PGAP1: variants seen among roughly 807,000 people sequenced by gnomAD.
PGAP1 encodes the protein post-GPI attachment to proteins inositol deacylase 1, also known as GPI inositol-deacylase.
A neutral mutation model predicts 127.0 loss-of-function variants in PGAP1; 76 were observed. The observed-to-expected ratio is 0.60, with a 90% CI of 0.50 to 0.72. The LOEUF (loss-of-function observed/expected upper bound fraction) is 0.72. PGAP1 is among the 30% of genes least tolerant of loss of function. The probability of loss-of-function intolerance (pLI) is 0.00; values close to 1 mark genes in which losing one functional copy is unlikely to be tolerated. For missense variants in PGAP1, 982 were observed against 1,071.3 expected (o/e 0.92, Z 1.16); for synonymous variants, 362 against 366.5 (o/e 0.99, Z 0.14).
chr2:196,853,136 T>C (rs1559333927), intron 20 of PGAP1, among the ~76,000 whole-genome samples: 1 of 152,208 alleles, frequency 6.6e-6, no homozygotes, highest in Non-Finnish European at 1.5e-5. Flanking sequence ...ACAGCCATCC[T>C]CTACACTGTC....
chr2:196,915,984 A>T (rs1263170337), intron 3 of PGAP1, among the ~76,000 whole-genome samples: 1 of 152,112 alleles, frequency 6.6e-6, no homozygotes, highest in Non-Finnish European at 1.5e-5. Flanking sequence ...GCAATCATGG[A>T]GCTTACTTCT....
In PGAP1 at chr2:196,886,013, C is replaced by T. The variant is rs114558355; in HGVS notation, c.1174-133G>A. The stretch of plus-strand genomic sequence containing the variant: ...CTAGGAGCAAGTGAAACGTAAATAA[C>T]AGCTTATTGTTGAGAAACATATCCA... On this transcript the variant is annotated intron_variant, in intron 10 of 26. Transcript: ENST00000354764. The T allele has an allele frequency of 4.1e-3, 1,863 of 457,700 alleles. 26 individuals are homozygous for T. Among genetic ancestry groups the T allele is most frequent in the African/African-American group, 0.035 (1,712 of 49,402 alleles). 28.4% of individuals were successfully genotyped at this position (457,700 alleles called of 1,614,324 possible). A position where few individuals can be genotyped will look rare whatever the true frequency, so the allele number is the denominator to read the frequency against.
chr2:196,843,092 A>G (rs1263436288), intron 25 of PGAP1, among the ~76,000 whole-genome samples: 1 of 152,160 alleles, frequency 6.6e-6, no homozygotes, highest in Non-Finnish European at 1.5e-5. Context: ...TAAGCAGTGT[A>G]TGTTTAAAAC....
intron 12 of PGAP1, among the ~76,000 whole-genome samples, chr2:196,880,656 T>C (rs1031673603): frequency 6.6e-6 from 1 of 152,172 alleles, no homozygotes; most frequent in Non-Finnish European, 1.5e-5. Flanking sequence ...TCTAATGGCA[T>C]ATCTGCACAT....
intron 26 of PGAP1, 91 bp downstream of exon 26, chr2:196,842,630 A>G: frequency 2.0e-6 from 1 of 504,946 alleles, no homozygotes; most frequent in East Asian, 3.6e-5. Flanking sequence ...GGAATATTTA[A>G]ATTAATTAGA....
rs1226480704 is a variant in PGAP1, at chr2:196,839,104, T to C, written c.*2130A>G. 3 of 152,894 alleles carry C rather than the reference T, an allele frequency of 2.0e-5. No homozygotes were observed. The highest frequency in any genetic ancestry group is 1.3e-4 in the Admixed American group (2 of 15,282). The allele number at this position is 152,894 out of a possible 1,614,324, so 9.5% of individuals were successfully genotyped here. A position where few individuals can be genotyped will look rare whatever the true frequency, so the allele number is the denominator to read the frequency against. On this transcript the variant is annotated 3_prime_UTR_variant, in exon 27 of 27. Transcript: ENST00000354764. ...CTACTCACAAATGAGAAATTGAAGC[T>C]TGTTACATTCATGAACAGTACTAAC...
chr2:196,858,812 G>A (rs1700973478), intron 20 of PGAP1, among the ~76,000 whole-genome samples: 1 of 152,168 alleles, frequency 6.6e-6, no homozygotes, highest in Non-Finnish European at 1.5e-5. Flanking sequence ...CAAACTTTTA[G>A]CTAGACTAAG....
rs568874906 is a variant in PGAP1 at position 196,919,970 on chromosome 2, T to C, written c.301+27A>G. 9 of 1,583,180 alleles carry C rather than the reference T, an allele frequency of 5.7e-6. No homozygotes were observed. In the East Asian group the frequency reaches 1.6e-4, roughly 28 times the overall value. On this transcript the variant is annotated intron_variant, in intron 2 of 26. Transcript: ENST00000354764. The stretch of plus-strand genomic sequence containing the variant: ...ATTCTTGAGTTGAATTTTATAGCTT[T>C]CAAAATTTACTTCCAGTAAGACTTA...
intron 10 of PGAP1, 36 bp downstream of exon 10, chr2:196,890,792 C>A: frequency 8.3e-7 from 1 of 1,199,366 alleles, no homozygotes; most frequent in Non-Finnish European, 1.2e-6. Context: ...AACAGTTAGC[C>A]TCTTAAATTT....
Position 196,902,733 on chromosome 2 carries a change from G to GT in PGAP1, c.658dup (p.Thr220AsnfsTer56). 6.3e-7 allele frequency: 1 copy of GT among 1,599,140 alleles called. No individual in the cohort carries two copies. Among genetic ancestry groups the GT allele is most frequent in the African/African-American group, 1.3e-5 (1 of 74,274 alleles). ...TAGAATCCAATAGTTGTTTACAGTC[G>GT]TATAAAAATCTGGTGGGGAATAAAA... On this transcript the variant is annotated frameshift_variant, in exon 5 of 27. Coordinates refer to ENST00000354764, the MANE Select transcript of PGAP1 (RefSeq NM_024989.4). LOFTEE classifies it high-confidence loss of function.
intron 8 of PGAP1, 83 bp downstream of exon 8, chr2:196,893,057 G>T: frequency 1.4e-6 from 1 of 697,346 alleles, no homozygotes; most frequent in Non-Finnish European, 2.3e-6. Context: ...CAGTTTCAAA[G>T]ATTTTGTCTG....
intron 7 of PGAP1, among the ~76,000 whole-genome samples, chr2:196,894,538 C>G (rs1702210203): frequency 1.3e-5 from 2 of 152,202 alleles, no homozygotes; most frequent in Non-Finnish European, 2.9e-5. Flanking sequence ...CGCAGTGGCT[C>G]ATGCCTGTAA....
chr2:196,868,582 A>G (rs980588294), intron 19 of PGAP1, among the ~76,000 whole-genome samples: 5 of 152,246 alleles, frequency 3.3e-5, no homozygotes, highest in Non-Finnish European at 7.3e-5. Context: ...TTAAAAGCTG[A>G]AGATCTGGCA....
At chr2:196,854,217 C>T (rs1700805513) in intron 20 of PGAP1, among the ~76,000 whole-genome samples, 1 of 151,918 alleles carries the variant, frequency 6.6e-6, no homozygotes, top group South Asian at 2.1e-4. Context: ...TAAACTAAGT[C>T]TTTTTTACCT....
chr2:196,926,457 G>T lies in PGAP1; in HGVS notation c.147+13C>A. On this transcript the variant is annotated intron_variant, in intron 1 of 26. Coordinates refer to ENST00000354764, the MANE Select transcript of PGAP1 (RefSeq NM_024989.4). ...TCTTGGAGCGCCCGGCTGAGGAGAG[G>T]GCAGAACCTTACCTGATACTCCGGG... is the stretch of plus-strand genomic sequence containing the variant. The T allele has an allele frequency of 6.2e-7, 1 of 1,614,008 alleles. No homozygotes were observed. Among genetic ancestry groups the T allele is most frequent in the South Asian group, 1.1e-5 (1 of 91,074 alleles).
chr2:196,902,801 A>G (rs1179449603), intron 4 of PGAP1, 59 bp from the exon 5 acceptor site: 2 of 1,272,404 alleles, frequency 1.6e-6, no homozygotes, highest in Admixed American at 2.2e-5. Flanking sequence ...AAACAATAAG[A>G]TATCTATACA....
intron 12 of PGAP1, among the ~76,000 whole-genome samples, chr2:196,883,352 C>G (rs1239414664): frequency 6.6e-6 from 1 of 152,212 alleles, no homozygotes; most frequent in Non-Finnish European, 1.5e-5. Context: ...TTCTAACAAT[C>G]TGACCAGATT....
chr2:196,922,613 C>T, intron 1 of PGAP1: 1 of 723,458 alleles, frequency 1.4e-6, no homozygotes. Flanking sequence ...CACACACACA[C>T]ACAACAAAGC....
chr2:196,841,158 C>G lies in PGAP1; in HGVS notation c.*76G>C, dbSNP rs1559325820. On this transcript the variant is annotated 3_prime_UTR_variant, in exon 27 of 27. Transcript: ENST00000354764. ...TCTCCAAAGGATCTTGCTGTCCATA[C>G]TGATGGATCTGTGTGTTCCCTCTTA... is the stretch of plus-strand genomic sequence containing the variant. 3 of 1,381,658 alleles carry G rather than the reference C, an allele frequency of 2.2e-6. No individual in the cohort carries two copies. 85.6% of individuals were successfully genotyped at this position (1,381,658 alleles called of 1,614,324 possible).
Sources: gnomAD v4.1 joint callset for allele counts (sites outside exome capture counted in the v4.1 genomes callset) on GRCh38, gnomAD v4.1.1 for gene constraint, MANE v1.5 for transcripts, NCBI Gene and HGNC (gene_info 2026-07-23, HGNC 2026-07-21) for gene names.